The following MYRIP variants were observed in gnomAD, a reference collection of about 807,000 sequenced individuals.
MYRIP encodes rab effector MyRIP.
Under a neutral mutation model 98.0 loss-of-function variants are expected in MYRIP, and 49 were observed. The ratio of observed to expected loss-of-function variants is 0.50; its 90% CI spans 0.40 to 0.63. The LOEUF (loss-of-function observed/expected upper bound fraction) is 0.63. MYRIP is among the 30% of genes least tolerant of loss of function. MYRIP has a pLI of 0.00. For missense variants in MYRIP, 1,004 were observed against 1,058.2 expected (o/e 0.95, Z 0.71); for synonymous variants, 404 against 409.5 (o/e 0.99, Z 0.16).
At chr3:40,024,338 T>C (rs1947073382) in intron 2 of MYRIP, among the ~76,000 whole-genome samples, 1 of 152,082 alleles carries the variant, frequency 6.6e-6, no homozygotes, top group Non-Finnish European at 1.5e-5. Context: ...AAATGGTGTT[T>C]TGTGGAGGAG....
intron 2 of MYRIP, among the ~76,000 whole-genome samples, chr3:40,029,781 T>C (rs1947217034): frequency 6.6e-6 from 1 of 152,058 alleles, no homozygotes; most frequent in African/African-American, 2.4e-5. Context: ...ATGGGCCACC[T>C]GGTCCTGGTG....
At chr3:39,843,268 T>G (rs1352480016) in intron 1 of MYRIP, among the ~76,000 whole-genome samples, 1 of 152,254 alleles carries the variant, frequency 6.6e-6, no homozygotes, top group African/African-American at 2.4e-5. Flanking sequence ...AGCATAATAA[T>G]TTATTTTAAG....
intron 2 of MYRIP, among the ~76,000 whole-genome samples, chr3:39,983,579 C>T (rs1437067831): frequency 1.3e-5 from 2 of 152,146 alleles, no homozygotes; most frequent in African/African-American, 4.8e-5. Context: ...TAGCCTGCCA[C>T]TGGATCCCAG....
chr3:39,911,481 G>A (rs1944020140), intron 2 of MYRIP, among the ~76,000 whole-genome samples: 1 of 152,180 alleles, frequency 6.6e-6, no homozygotes, highest in Admixed American at 6.5e-5. Flanking sequence ...AAATGCCAGA[G>A]ACTCAGCTTC....
chr3:40,071,011 C>A, intron 3 of MYRIP: 1 of 380,144 alleles, frequency 2.6e-6, no homozygotes, highest in Non-Finnish European at 3.6e-6. Flanking sequence ...AGACCTCCCA[C>A]ATGGAGTGAG....
rs535142906 is a variant in MYRIP, at chr3:39,885,399, A to G, written c.-30-15388A>G. Reference sequence around the variant, plus strand: ...TCTGATGGGCTTCCCTTTGAGGGTAACCCAACCTTTCTCTCTGGCTGCCCT... The same window carrying G: ...TCTGATGGGCTTCCCTTTGAGGGTAGCCCAACCTTTCTCTCTGGCTGCCCT... On this transcript the variant is annotated intron_variant, in intron 1 of 16. Transcript: ENST00000302541. 3.3e-5 allele frequency among the ~76,000 whole-genome samples: 5 copies of G among 152,152 alleles called. No individual in the cohort carries two copies. The South Asian group carries it at 1.0e-3, about 32-fold the overall frequency.
intron 1 of MYRIP, 143 bp from the exon 2 acceptor site, chr3:39,900,644 G>T (rs538687344): frequency 1.1e-5 from 5 of 451,854 alleles, no homozygotes; most frequent in Non-Finnish European, 1.9e-5. Flanking sequence ...GTAAATATTT[G>T]CTGAGTCTGA....
intron 2 of MYRIP, among the ~76,000 whole-genome samples, chr3:39,969,602 C>A (rs1270283357): frequency 6.6e-6 from 1 of 152,084 alleles, no homozygotes; most frequent in Non-Finnish European, 1.5e-5. Context: ...GTCCTTAGTT[C>A]TGTTTATGTG....
chr3:40,200,208 GGAA>G (rs1189974267), intron 10 of MYRIP, among the ~76,000 whole-genome samples: 3 of 151,216 alleles, frequency 2.0e-5, no homozygotes, highest in East Asian at 2.0e-4. Context: ...GGGCCACAGT[GGAA>G]GAAGAAGAAT....
chr3:39,986,448 C>G (rs1946034124), intron 2 of MYRIP, among the ~76,000 whole-genome samples: 1 of 132,650 alleles, frequency 7.5e-6, no homozygotes, highest in Non-Finnish European at 1.5e-5. Flanking sequence ...CTCTCCCTCT[C>G]TCTCTCCCTC....
At position 39,989,447 on chromosome 3, in the gene MYRIP, G is replaced by A. The variant is rs868506551; in HGVS notation, c.111-54603G>A. On this transcript the variant is annotated intron_variant, in intron 2 of 16. Transcript: ENST00000302541. ...TGACCTAACTGATGCCAGTAGGAAC[G>A]CTCTTGTATAGCATGTCTGACAACC... is the stretch of plus-strand genomic sequence containing the variant. Among the ~76,000 whole-genome samples, 7 of 152,254 alleles carry A rather than the reference G, an allele frequency of 4.6e-5. No homozygotes were observed. The East Asian group carries it at 5.8e-4, about 13-fold the overall frequency.
intron 11 of MYRIP, among the ~76,000 whole-genome samples, chr3:40,212,649 C>G (rs944768124): frequency 6.6e-5 from 10 of 152,082 alleles, no homozygotes; most frequent in African/African-American, 1.9e-4. Context: ...GTAGTCTCAG[C>G]TATGTAAGAG....
chr3:40,085,348 G>A (rs1477697652), intron 3 of MYRIP, among the ~76,000 whole-genome samples: 3 of 152,070 alleles, frequency 2.0e-5, no homozygotes, highest in South Asian at 4.1e-4. Context: ...GTGCAGTGGC[G>A]CGATCTTGGC....
At chr3:39,829,271 G>T (rs1941363745) in intron 1 of MYRIP, among the ~76,000 whole-genome samples, 2 of 152,138 alleles carry the variant, frequency 1.3e-5, no homozygotes, top group South Asian at 2.1e-4. Context: ...TGTTTCTTTA[G>T]ATGTGTCATG....
In MYRIP at chr3:40,260,113, GTCA is replaced by G. The variant is rs775004671; in HGVS notation, c.*1951_*1953del. The G allele has an allele frequency of 6.6e-6, 1 of 152,560 alleles. No individual in the cohort carries two copies. The allele number at this position is 152,560 out of a possible 1,614,324, so 9.5% of individuals were successfully genotyped here. On this transcript the variant is annotated 3_prime_UTR_variant, in exon 17 of 17. Coordinates refer to ENST00000302541, the MANE Select transcript of MYRIP (RefSeq NM_015460.4). ...GTTATAGTTCCAGAAGAATTATTTT[GTCA>G]TCAAGTGATTTTGATCTTTAGTGTC...
intron 2 of MYRIP, among the ~76,000 whole-genome samples, chr3:39,912,688 T>C (rs1487371301): frequency 1.3e-5 from 2 of 152,196 alleles, no homozygotes; most frequent in Non-Finnish European, 2.9e-5. Flanking sequence ...ATTAATGATA[T>C]TCCTCATCAT....
At chr3:39,958,474 A>G (rs1397526337) in intron 2 of MYRIP, among the ~76,000 whole-genome samples, 1 of 152,184 alleles carries the variant, frequency 6.6e-6, no homozygotes, top group Non-Finnish European at 1.5e-5. Context: ...CTGGCTAGCC[A>G]TATGCAGAAA....
chr3:39,835,883 G>A (rs1205361704), intron 1 of MYRIP, among the ~76,000 whole-genome samples: 1 of 152,058 alleles, frequency 6.6e-6, no homozygotes, highest in Admixed American at 6.5e-5. Flanking sequence ...TGAGAATGAT[G>A]GTTTCCAGCT....
intron 3 of MYRIP, among the ~76,000 whole-genome samples, chr3:40,150,388 G>A (rs942009279): frequency 3.9e-5 from 6 of 152,346 alleles, no homozygotes; most frequent in African/African-American, 1.4e-4. Flanking sequence ...ACAGCACCCA[G>A]CCTGAATCTT....
Sources: allele counts gnomAD v4.1 joint callset (sites outside exome capture counted in the v4.1 genomes callset), GRCh38; gene constraint gnomAD v4.1.1; transcripts MANE v1.5; gene names NCBI Gene and HGNC (gene_info 2026-07-23, HGNC 2026-07-21).